Variants in GRM1 observed in about 807,000 individuals in gnomAD.
The protein encoded by GRM1 is glutamate metabotropic receptor 1, also known as metabotropic glutamate receptor 1.
GRM1 carries 33 observed loss-of-function variants against 90.9 expected under a neutral mutation model. The ratio of observed to expected loss-of-function variants is 0.36; its 90% CI spans 0.28 to 0.49. The LOEUF is 0.49. GRM1 is among the 20% of genes least tolerant of loss of function. The probability of loss-of-function intolerance (pLI) is 0.99; values close to 1 mark genes in which losing one functional copy is unlikely to be tolerated. For synonymous variants in GRM1, 700 were observed against 613.2 expected, an observed-to-expected ratio of 1.14 and a Z score of -2.09; for missense variants, 1,190 against 1,534.3, an observed-to-expected ratio of 0.78 and a Z score of 3.75.
At chr6:146,373,736 G>T (rs1235067607) in intron 5 of GRM1, among the ~76,000 whole-genome samples, 1 of 152,036 alleles carries the variant, frequency 6.6e-6, no homozygotes, top group Non-Finnish European at 1.5e-5. Flanking sequence ...TTATTGAATT[G>T]GTATATAAGT....
At chr6:146,408,292 G>A (rs1005903932) in intron 7 of GRM1, among the ~76,000 whole-genome samples, 2 of 152,098 alleles carry the variant, frequency 1.3e-5, no homozygotes, top group African/African-American at 4.8e-5. Flanking sequence ...TAACATATGA[G>A]TTTTGGAAAA....
At chr6:146,123,360 T>C (rs1165602900) in intron 1 of GRM1, among the ~76,000 whole-genome samples, 4 of 152,216 alleles carry the variant, frequency 2.6e-5, no homozygotes, top group African/African-American at 7.2e-5. Flanking sequence ...AGCAGCTTTG[T>C]AGGCAGAGAG....
At chr6:146,270,818 T>TCTGCCTGC (rs559871269) in intron 2 of GRM1, among the ~76,000 whole-genome samples, 1 of 145,658 alleles carries the variant, frequency 6.9e-6, no homozygotes, top group Non-Finnish European at 1.5e-5. Context: ...TTCTTTTCTG[T>TCTGCCTGC]CTGCCTGCCT....
chr6:146,353,580 A>G (rs947171406), intron 4 of GRM1, among the ~76,000 whole-genome samples: 2 of 152,174 alleles, frequency 1.3e-5, no homozygotes, highest in African/African-American at 2.4e-5. Context: ...ATCTTTTACA[A>G]CATCACACTG....
chr6:146,254,280 A>G (rs1442599355), intron 2 of GRM1, among the ~76,000 whole-genome samples: 2 of 152,114 alleles, frequency 1.3e-5, no homozygotes, highest in Admixed American at 6.5e-5. Context: ...CTTGAGACTC[A>G]GTCCCAGGAG....
chr6:146,142,434 A>T (rs1776914614), intron 1 of GRM1, among the ~76,000 whole-genome samples: 1 of 152,080 alleles, frequency 6.6e-6, no homozygotes, highest in African/African-American at 2.4e-5. Flanking sequence ...TGCTGGGCTC[A>T]CAATTGGTAT....
At chr6:146,325,599 GAAA>G (rs1436042271) in intron 3 of GRM1, among the ~76,000 whole-genome samples, 1 of 152,152 alleles carries the variant, frequency 6.6e-6, no homozygotes, top group African/African-American at 2.4e-5. Context: ...AGAGGTTAAG[GAAA>G]CATTGTTATG....
intron 1 of GRM1, among the ~76,000 whole-genome samples, chr6:146,052,620 A>G (rs1775335335): frequency 6.6e-6 from 1 of 151,992 alleles, no homozygotes; most frequent in African/African-American, 2.4e-5. Flanking sequence ...TGAAGGATGT[A>G]CCCTCATTAA....
intron 1 of GRM1, among the ~76,000 whole-genome samples, chr6:146,135,316 A>G (rs566471002): frequency 1.4e-4 from 21 of 152,298 alleles, no homozygotes; most frequent in Admixed American, 3.3e-4. Context: ...CTGCAATGCT[A>G]TCTCTCCTAT....
intron 1 of GRM1, among the ~76,000 whole-genome samples, chr6:146,149,450 G>C (rs369759506): frequency 4.6e-5 from 7 of 152,278 alleles, no homozygotes; most frequent in African/African-American, 1.7e-4. Flanking sequence ...GTAGAAAGAC[G>C]TGGAGAATAT....
intron 2 of GRM1, among the ~76,000 whole-genome samples, chr6:146,286,376 A>T (rs563062182): frequency 6.6e-6 from 1 of 152,326 alleles, no homozygotes; most frequent in Non-Finnish European, 1.5e-5. Flanking sequence ...TCACATTTAA[A>T]TAGCATGTGA....
At chr6:146,052,423 G>C (rs1775325079) in intron 1 of GRM1, among the ~76,000 whole-genome samples, 1 of 151,996 alleles carries the variant, frequency 6.6e-6, no homozygotes, top group Non-Finnish European at 1.5e-5. Flanking sequence ...GGCTCTGCTG[G>C]AGCCTGGAAA....
chr6:146,132,519 G>A (rs1373978283), intron 1 of GRM1, among the ~76,000 whole-genome samples: 1 of 152,164 alleles, frequency 6.6e-6, no homozygotes, highest in East Asian at 1.9e-4. Context: ...AGGTGTGCAT[G>A]TGTGTGTGGG....
At chr6:146,182,603 G>A (rs890281037) in intron 2 of GRM1, among the ~76,000 whole-genome samples, 1 of 152,074 alleles carries the variant, frequency 6.6e-6, no homozygotes, top group Non-Finnish European at 1.5e-5. Context: ...GCCTTAAAAT[G>A]TTATATTACC....
chr6:146,303,482 G>A (rs1316091097), intron 2 of GRM1, among the ~76,000 whole-genome samples: 1 of 152,124 alleles, frequency 6.6e-6, no homozygotes, highest in Non-Finnish European at 1.5e-5. Context: ...GCCTTTTTGA[G>A]ATGTAGATCG....
intron 1 of GRM1, among the ~76,000 whole-genome samples, chr6:146,038,434 A>C (rs1162298014): frequency 6.6e-6 from 1 of 152,006 alleles, no homozygotes; most frequent in Non-Finnish European, 1.5e-5. Flanking sequence ...TATACAGATA[A>C]GATGCAACAG....
intron 3 of GRM1, among the ~76,000 whole-genome samples, chr6:146,344,820 CT>C (rs3216605): frequency 0.28 from 42,242 of 151,378 alleles, 5,929 homozygotes; most frequent in South Asian, 0.31. Context: ...TTTTTTCTTT[CT>C]TTTTTTTGAG....
At chr6:146,294,252 C>T (rs1248573677) in intron 2 of GRM1, among the ~76,000 whole-genome samples, 1 of 151,780 alleles carries the variant, frequency 6.6e-6, no homozygotes, top group East Asian at 1.9e-4. Context: ...CTTTAAGCTA[C>T]TTCCTATGAA....
chr6:146,377,931 G>A (rs567086728), intron 5 of GRM1, among the ~76,000 whole-genome samples: 2 of 152,284 alleles, frequency 1.3e-5, no homozygotes, highest in South Asian at 4.1e-4. Context: ...GGAAGTGTGT[G>A]TGCACCCTAG....
Sources: gnomAD v4.1 joint callset for allele counts (sites outside exome capture counted in the v4.1 genomes callset) on GRCh38, gnomAD v4.1.1 for gene constraint, MANE v1.5 for transcripts, NCBI Gene and HGNC (gene_info 2026-07-23, HGNC 2026-07-21) for gene names.